PCDHA6: variants seen among roughly 807,000 people sequenced by gnomAD.
PCDHA6 encodes protocadherin alpha-6.
PCDHA6 carries 55 observed loss-of-function variants against 60.3 expected under a neutral mutation model. That is an observed-to-expected ratio of 0.91 (90% CI 0.73 to 1.14). The LOEUF (loss-of-function observed/expected upper bound fraction) is 1.14. Ranked by LOEUF, PCDHA6 falls within the 50% of genes most tolerant of loss-of-function variation. The pLI, the probability that PCDHA6 is intolerant of heterozygous loss-of-function variation, is 0.00. For synonymous variants in PCDHA6, 652 were observed against 557.9 expected, an observed-to-expected ratio of 1.17 and a Z score of -2.38; for missense variants, 1,327 against 1,256.5, an observed-to-expected ratio of 1.06 and a Z score of -0.85.
At chr5:140,980,447 C>T (rs952861849) in intron 2 of PCDHA6, among the ~76,000 whole-genome samples, 4 of 152,036 alleles carry the variant, frequency 2.6e-5, no homozygotes, top group Admixed American at 6.6e-5. Context: ...CTGGACAACA[C>T]GGTGAAACCC....
chr5:140,887,711 T>C (rs1486449046), intron 1 of PCDHA6, among the ~76,000 whole-genome samples: 1 of 152,198 alleles, frequency 6.6e-6, no homozygotes, highest in African/African-American at 2.4e-5. Context: ...ATACTTCTTC[T>C]AATAGTTTTT....
chr5:140,850,073 G>A, intron 1 of PCDHA6: 1 of 1,596,556 alleles, frequency 6.3e-7, no homozygotes, highest in Non-Finnish European at 8.6e-7. Context: ...TGGACCACGA[G>A]GAGCTGGAGC....
chr5:140,959,491 G>A (rs761208761), intron 1 of PCDHA6, among the ~76,000 whole-genome samples: 6 of 151,956 alleles, frequency 3.9e-5, no homozygotes, highest in Non-Finnish European at 7.4e-5. Context: ...TGTTATATAT[G>A]GATCAAACTA....
In PCDHA6 at chr5:140,830,379, G is replaced by A. The variant is rs2150185796; in HGVS notation, c.2288G>A (p.Gly763Asp). Residue 763 changes from glycine (G) to aspartate (D), a missense_variant, in exon 1 of 4, where the codon GGC (glycine) becomes GAC (aspartate). Physicochemically the swap from Gly to Asp is moderately conservative, Grantham distance 94. Transcript: ENST00000529310. ...QRRQRVCSGE[G>D]PPKMDLMAFS... ...CGGCAGAGGGTGTGCTCCGGGGAGGGCCCACCCAAGATGGATCTCATGGCC... is the reference window on the plus strand; with the variant it reads ...CGGCAGAGGGTGTGCTCCGGGGAGGACCCACCCAAGATGGATCTCATGGCC... 3 of 1,614,156 alleles carry A rather than the reference G, an allele frequency of 1.9e-6. No individual in the cohort carries two copies. The highest frequency in any genetic ancestry group is 1.7e-6 in the Non-Finnish European group (2 of 1,180,022).
rs1554148991 is a variant in PCDHA6, at chr5:140,856,698, G to A, written c.2394+26213G>A. ...TTGTTGTTGACAGCAACTGATGGAG[G>A]CAAACCTGAATTTACCGGATCTGTT... On this transcript the variant is annotated intron_variant, in intron 1 of 3. Transcript: ENST00000529310. 3.8e-6 allele frequency: 6 copies of A among 1,596,626 alleles called. 1 individual carries two copies. In the African/African-American group the frequency reaches 8.1e-5, roughly 21 times the overall value.
At chr5:140,934,926 G>C (rs1054459840) in intron 1 of PCDHA6, among the ~76,000 whole-genome samples, 1 of 152,116 alleles carries the variant, frequency 6.6e-6, no homozygotes, top group African/African-American at 2.4e-5. Flanking sequence ...TTCACATAAA[G>C]TTACAAAACT....
chr5:140,858,741 A>G, intron 1 of PCDHA6: 1 of 467,024 alleles, frequency 2.1e-6, no homozygotes, highest in Middle Eastern at 5.8e-4. Flanking sequence ...TACTTTCATA[A>G]TCACTTTTCG....
rs562081561 is a variant in PCDHA6 at position 140,927,834 on chromosome 5, C to T, written c.2395-51115C>T. 1.2e-5 allele frequency: 19 copies of T among 1,614,138 alleles called. No homozygotes were observed. In the East Asian group the frequency reaches 2.2e-4, roughly 19 times the overall value. ...TGGAGGCATACATTGAGGCGAGGGA[C>T]GAAGGTGTCTTTGGTTTAGCTAGCA... On this transcript the variant is annotated intron_variant, in intron 1 of 3. Coordinates refer to ENST00000529310, the MANE Select transcript of PCDHA6 (RefSeq NM_018909.4).
At position 140,981,056 on chromosome 5, in the gene PCDHA6, G is replaced by A. The variant is rs571113984; in HGVS notation, c.2454-1419G>A. 1.5e-3 allele frequency among the ~76,000 whole-genome samples: 227 copies of A among 152,276 alleles called. 1 individual carries two copies. Among genetic ancestry groups the A allele is most frequent in the African/African-American group, 5.2e-3 (217 of 41,556 alleles). ...GGGAAAAAAAACAGATAATTCTAGA[G>A]TGTAGACAAGGGGAAGAATAGTAAA... On this transcript the variant is annotated intron_variant, in intron 2 of 3. Transcript: ENST00000529310.
intron 3 of PCDHA6, among the ~76,000 whole-genome samples, chr5:140,994,538 A>G (rs1554254218): frequency 1.8e-5 from 2 of 111,930 alleles, no homozygotes; most frequent in African/African-American, 9.1e-5. Context: ...CCCCATCTCT[A>G]CAAAAAAAAT....
At chr5:140,905,669 A>G (rs781948009) in intron 1 of PCDHA6, among the ~76,000 whole-genome samples, 11 of 152,228 alleles carry the variant, frequency 7.2e-5, no homozygotes, top group Admixed American at 2.0e-4. Flanking sequence ...ATCCATTAAC[A>G]TGGAACATAT....
intron 1 of PCDHA6, among the ~76,000 whole-genome samples, chr5:140,938,877 A>ACACACACACACACAGATG (rs2092241507): frequency 1.3e-5 from 2 of 150,854 alleles, no homozygotes; most frequent in South Asian, 4.2e-4. Context: ...TTAAGAAGCA[A>ACACACACACACACAGATG]CACACACACA....
intron 1 of PCDHA6, chr5:140,870,343 C>T (rs375366430): frequency 1.9e-6 from 3 of 1,614,160 alleles, no homozygotes; most frequent in African/African-American, 2.7e-5. Flanking sequence ...CGCCCTGGAC[C>T]GCGAGAACGT....
At chr5:140,960,455 T>A (rs1585839337) in intron 1 of PCDHA6, among the ~76,000 whole-genome samples, 3 of 152,274 alleles carry the variant, frequency 2.0e-5, no homozygotes, top group African/African-American at 7.2e-5. Flanking sequence ...ATGGATAATT[T>A]TGAGAAGTAA....
chr5:140,856,424 AACG>A, intron 1 of PCDHA6: 1 of 1,598,418 alleles, frequency 6.3e-7, no homozygotes, highest in Non-Finnish European at 8.6e-7. Context: ...GAAGGACATT[AACG>A]ACAACCCGCC....
intron 1 of PCDHA6, chr5:140,851,374 C>A: frequency 4.1e-6 from 4 of 975,728 alleles, no homozygotes; most frequent in Non-Finnish European, 5.0e-6. Flanking sequence ...TCTGATTGTT[C>A]AGCAACCTTC....
intron 1 of PCDHA6, chr5:140,865,596 A>G (rs1309543842): frequency 2.6e-5 from 4 of 152,224 alleles, no homozygotes; most frequent in Admixed American, 2.0e-4. Context: ...CCATTGTTTG[A>G]GCAGTTTATT....
intron 1 of PCDHA6, chr5:140,863,483 G>A: frequency 4.3e-6 from 2 of 464,772 alleles, no homozygotes; most frequent in Non-Finnish European, 8.6e-6. Context: ...CGCCTCCCAA[G>A]GTCAACATTA....
chr5:140,912,744 T>A (rs944833912), intron 1 of PCDHA6, among the ~76,000 whole-genome samples: 1 of 152,188 alleles, frequency 6.6e-6, no homozygotes, highest in Non-Finnish European at 1.5e-5. Context: ...TGTGGGTCTG[T>A]CATAGATGGC....
Sources: allele counts gnomAD v4.1 joint callset (sites outside exome capture counted in the v4.1 genomes callset), GRCh38; gene constraint gnomAD v4.1.1; transcripts MANE v1.5; gene names NCBI Gene and HGNC (gene_info 2026-07-23, HGNC 2026-07-21).